Variants in ABCA4 observed in about 807,000 individuals in gnomAD.
ABCA4 encodes the protein ATP binding cassette subfamily A member 4.
Under a neutral mutation model 263.7 loss-of-function variants are expected in ABCA4, and 196 were observed. The ratio of observed to expected loss-of-function variants is 0.74; its 90% confidence interval spans 0.66 to 0.84. The LOEUF is 0.84. ABCA4 is among the 40% of genes least tolerant of loss of function. The pLI is 0.00. For missense variants in ABCA4, 2,792 were observed against 2,855.1 expected (o/e 0.98, Z 0.50); for synonymous variants, 1,133 against 1,094.2 (o/e 1.04, Z -0.70).
intron 47 of ABCA4, among the ~76,000 whole-genome samples, chr1:93,998,732 A>ATT (rs1167585290): frequency 2.6e-4 from 38 of 147,342 alleles, no homozygotes; most frequent in African/African-American, 8.4e-4. Flanking sequence ...ATTTTATTTT[A>ATT]TTTTATTTTA....
intron 44 of ABCA4, among the ~76,000 whole-genome samples, chr1:94,004,224 A>C (rs1244348361): frequency 1.3e-5 from 2 of 151,860 alleles, no homozygotes; most frequent in Non-Finnish European, 2.9e-5. Flanking sequence ...GCATGCACCC[A>C]CAAACACAAG....
Position 94,031,817 on chromosome 1 carries a change from G to C in ABCA4, c.4089C>G (p.Phe1363Leu). The C allele has an allele frequency of 6.2e-7, 1 of 1,614,076 alleles. No individual in the cohort carries two copies. Reference protein sequence around the residue: ...QHVQALLVKRFQHTIRSHKDF... With the variant: ...QHVQALLVKRLQHTIRSHKDF... The stretch of plus-strand genomic sequence containing the variant: ...CCTTGTGGCTGCGGATGGTGTGTTG[G>C]AATCTCTTGACCAGCAGCGCCTGCA... The change falls in exon 27 of 50, where the codon TTC (phenylalanine) becomes TTG (leucine). Residue 1363 changes from phenylalanine to leucine, a missense_variant. Coordinates refer to ENST00000370225, the MANE Select transcript of ABCA4 (RefSeq NM_000350.3).
intron 39 of ABCA4, 27 bp from the exon 40 acceptor site, chr1:94,010,956 C>A (rs754555095): frequency 6.2e-7 from 1 of 1,613,858 alleles, no homozygotes; most frequent in South Asian, 1.1e-5. Context: ...ATTGAGTCCA[C>A]TTCAGCCGCC....
intron 24 of ABCA4, among the ~76,000 whole-genome samples, chr1:94,038,316 C>T (rs557017393): frequency 1.4e-4 from 22 of 152,192 alleles, no homozygotes; most frequent in Non-Finnish European, 2.6e-4. Flanking sequence ...GTGAAAACCT[C>T]ACTTGCATGC....
chr1:94,020,518 G>A (rs1203903892), intron 35 of ABCA4, among the ~76,000 whole-genome samples: 2 of 152,026 alleles, frequency 1.3e-5, no homozygotes, highest in South Asian at 4.1e-4. Context: ...GGAGACACAC[G>A]AAAGTGTGGC....
chr1:94,054,359 T>G (rs1485757338), intron 16 of ABCA4, among the ~76,000 whole-genome samples: 1 of 152,182 alleles, frequency 6.6e-6, no homozygotes, highest in Non-Finnish European at 1.5e-5. Context: ...GTGAAGAATG[T>G]TCCCCAAAAT....
rs144596373 is a variant in ABCA4 at position 94,077,009 on chromosome 1, C to T, written c.1554+681G>A. Among the ~76,000 whole-genome samples, 1,185 of 152,326 alleles carry T rather than the reference C, an allele frequency of 7.8e-3. 7 individuals are homozygous for T. Among genetic ancestry groups the T allele is most frequent in the Non-Finnish European group, 0.013 (900 of 68,036 alleles). On this transcript the variant is annotated intron_variant, in intron 11 of 49. Transcript: ENST00000370225. ...CTTATTTAACCTCTTTAAGCCCTGG[C>T]TTCTCATCTGCAAATTGGCAATGAT...
chr1:94,099,073 C>A, intron 5 of ABCA4, 82 bp from the exon 6 acceptor site: 1 of 1,412,564 alleles, frequency 7.1e-7, no homozygotes, highest in Non-Finnish European at 9.7e-7. Context: ...CCTGGGAATA[C>A]CTTGTGTTAC....
intron 47 of ABCA4, among the ~76,000 whole-genome samples, chr1:93,999,191 G>A (rs1659104275): frequency 6.6e-6 from 1 of 151,188 alleles, no homozygotes; most frequent in Non-Finnish European, 1.5e-5. Context: ...GATTACAGGT[G>A]CATACCACCA....
Position 94,028,919 on chromosome 1 carries a change from A to AC in ABCA4, c.4539+525_4539+526insG, listed in dbSNP as rs1168143819. On this transcript the variant is annotated intron_variant, in intron 30 of 49. Transcript: ENST00000370225. ...GAGACTCTGTCTCAAAAAAAAAAAA[A>AC]AAAAAAAAAAAGAAATTCAAACAAT... is the stretch of plus-strand genomic sequence containing the variant. Among the ~76,000 whole-genome samples the AC allele has an allele frequency of 3.7e-4, 56 of 149,560 alleles. 1 individual carries two copies. Among genetic ancestry groups the AC allele is most frequent in the African/African-American group, 1.3e-3 (54 of 40,760 alleles).
At chr1:94,014,372 TGGGAGGAA>T (rs373940998) in intron 38 of ABCA4, among the ~76,000 whole-genome samples, 163 bp downstream of exon 38, 2 of 66,486 alleles carry the variant, frequency 3.0e-5, no homozygotes, top group African/African-American at 1.6e-4. Context: ...GAAGGAAGGA[TGGGAGGAA>T]GGAAGGAAGG....
intron 9 of ABCA4, 110 bp downstream of exon 9, chr1:94,079,212 C>A: frequency 6.6e-7 from 1 of 1,520,674 alleles, no homozygotes; most frequent in Non-Finnish European, 9.1e-7. Context: ...TAGCAAAAAA[C>A]AAACATGAGA....
chr1:94,037,102 A>G (rs1399653846), intron 25 of ABCA4, 43 bp downstream of exon 25: 2 of 1,596,282 alleles, frequency 1.3e-6, no homozygotes, highest in African/African-American at 2.7e-5. Context: ...AAGAACCGCC[A>G]CTTCTGGCAC....
chr1:94,119,359 T>C (rs895328132), intron 1 of ABCA4, among the ~76,000 whole-genome samples: 1 of 152,204 alleles, frequency 6.6e-6, no homozygotes, highest in Non-Finnish European at 1.5e-5. Flanking sequence ...TTAACTTGTC[T>C]CTTCCCCCTG....
intron 36 of ABCA4, chr1:94,018,456 A>G: frequency 2.3e-6 from 1 of 429,932 alleles, no homozygotes; most frequent in Non-Finnish European, 4.7e-6. Context: ...GTGTAGACAG[A>G]AGAGAGAGGA....
chr1:94,077,920 T>C (rs756498100), intron 10 of ABCA4, 33 bp from the exon 11 acceptor site: 2 of 1,587,224 alleles, frequency 1.3e-6, no homozygotes, highest in Non-Finnish European at 1.7e-6. Flanking sequence ...ACTGCTCTGC[T>C]TAGAAATTCC....
intron 6 of ABCA4, among the ~76,000 whole-genome samples, chr1:94,094,147 C>G (rs1662052679): frequency 1.3e-5 from 2 of 152,122 alleles, no homozygotes; most frequent in East Asian, 3.9e-4. Flanking sequence ...GGGGCTTTCC[C>G]AGACACTTGA....
At chr1:94,090,977 G>A (rs1260588469) in intron 6 of ABCA4, among the ~76,000 whole-genome samples, 1 of 152,184 alleles carries the variant, frequency 6.6e-6, no homozygotes, top group East Asian at 1.9e-4. Flanking sequence ...ACAAACTGAT[G>A]ACTGTGAGAG....
At chr1:94,028,867 G>T (rs769533074) in intron 30 of ABCA4, among the ~76,000 whole-genome samples, 1 of 126,672 alleles carries the variant, frequency 7.9e-6, no homozygotes, top group African/African-American at 3.1e-5. Context: ...AGATCACACC[G>T]CTGCACTCCA....
Sources: allele counts gnomAD v4.1 joint callset (sites outside exome capture counted in the v4.1 genomes callset), GRCh38; gene constraint gnomAD v4.1.1; transcripts MANE v1.5; gene names NCBI Gene and HGNC (gene_info 2026-07-23, HGNC 2026-07-21).